The following PRXL2A variants were observed in gnomAD, a reference collection of about 807,000 sequenced individuals.
The protein encoded by PRXL2A is peroxiredoxin-like 2A.
PRXL2A carries 26 observed loss-of-function variants against 25.6 expected under a neutral mutation model. The observed-to-expected ratio is 1.02, with a 90% CI of 0.74 to 1.41. The LOEUF is 1.41. Among genes scored for constraint, PRXL2A ranks in the 40% most tolerant of loss-of-function variants. The pLI, the probability that PRXL2A is intolerant of heterozygous loss-of-function variation, is 0.00. For missense variants in PRXL2A, 246 were observed against 273.9 expected (o/e 0.90, Z 0.72); for synonymous variants, 98 against 102.9 (o/e 0.95, Z 0.29).
In PRXL2A at chr10:80,435,172, C is replaced by CCA. The variant is rs1845370388; in HGVS notation, c.*3075_*3076dup. 1.3e-5 allele frequency: 2 copies of CCA among 152,386 alleles called. No homozygotes were observed. The highest frequency in any genetic ancestry group is 3.9e-4 in the East Asian group (2 of 5,184). The allele number at this position is 152,386 out of a possible 1,614,324, so 9.4% of individuals were successfully genotyped here. On this transcript the variant is annotated 3_prime_UTR_variant, in exon 6 of 6. Coordinates refer to ENST00000606162, the MANE Select transcript of PRXL2A (RefSeq NM_032333.5). ...GAGGGTGCAGTGAGCCGGGATCACGCCACTGCACTTCAGCCTGGGTGACAG... is the reference window on the plus strand; with the variant it reads ...GAGGGTGCAGTGAGCCGGGATCACGCCACACTGCACTTCAGCCTGGGTGACAG...
chr10:80,420,650 GT>G lies in PRXL2A; in HGVS notation c.178+6del, dbSNP rs773489627. The G allele has an allele frequency of 9.4e-6, 15 of 1,590,672 alleles. No homozygotes were observed. Among genetic ancestry groups the G allele is most frequent in the Non-Finnish European group, 1.2e-5 (14 of 1,164,470 alleles). On this transcript the variant is annotated splice_donor_region_variant and intron_variant, in intron 2 of 5. Coordinates refer to ENST00000606162, the MANE Select transcript of PRXL2A (RefSeq NM_032333.5). Reference sequence around the variant, plus strand: ...ACCTGAAAACACTGGAGAAGGGTAAGTGGTGACCCTTCAGGTCTCAGTACTT... The same window carrying G: ...ACCTGAAAACACTGGAGAAGGGTAAGGGTGACCCTTCAGGTCTCAGTACTT...
chr10:80,430,089 C>CTTTT (rs753076825), intron 5 of PRXL2A, among the ~76,000 whole-genome samples: 6 of 66,512 alleles, frequency 9.0e-5, no homozygotes, highest in Non-Finnish European at 1.5e-4. Flanking sequence ...TGGGGATTTC[C>CTTTT]TTTTTTTTTT....
intron 5 of PRXL2A, 121 bp downstream of exon 5, chr10:80,427,617 G>A: frequency 1.1e-6 from 1 of 927,358 alleles, no homozygotes; most frequent in East Asian, 2.5e-5. Context: ...CTTCCTTCTA[G>A]CAAGCCAGGG....
intron 3 of PRXL2A, among the ~76,000 whole-genome samples, 155 bp downstream of exon 3, chr10:80,422,663 C>CTTTTTTTTT (rs35293617): frequency 7.0e-6 from 1 of 142,332 alleles, no homozygotes; most frequent in East Asian, 2.0e-4. Flanking sequence ...GATTTGTGCT[C>CTTTTTTTTT]TTTTTTTTTT....
chr10:80,417,892 T>C (rs1844723326), intron 1 of PRXL2A, among the ~76,000 whole-genome samples: 1 of 151,890 alleles, frequency 6.6e-6, no homozygotes, highest in South Asian at 2.1e-4. Flanking sequence ...TAATTTTTTA[T>C]AGACAGGGTC....
In PRXL2A at chr10:80,426,015, G is replaced by A. The variant is rs1383860140; in HGVS notation, c.411+9G>A. On this transcript the variant is annotated intron_variant, in intron 4 of 5. Coordinates refer to ENST00000606162, the MANE Select transcript of PRXL2A (RefSeq NM_032333.5). Reference sequence around the variant, plus strand: ...TCTTCCTGGATGAAAAGGTGTGTGTGATGGGAGGCTTTTAGACACAGACTG... The same window carrying A: ...TCTTCCTGGATGAAAAGGTGTGTGTAATGGGAGGCTTTTAGACACAGACTG... 10 of 1,614,028 alleles carry A rather than the reference G, an allele frequency of 6.2e-6. No homozygotes were observed. Among genetic ancestry groups the A allele is most frequent in the Non-Finnish European group, 8.5e-6 (10 of 1,180,024 alleles).
rs549592004 is a variant in PRXL2A, at chr10:80,433,258, A to C, written c.*1159A>C. ...TGTTTTTCTATTGGTCTTTTAGCCTAATTTGGCAAATCAGAAGAAAGGACA... is the reference window on the plus strand; with the variant it reads ...TGTTTTTCTATTGGTCTTTTAGCCTCATTTGGCAAATCAGAAGAAAGGACA... On this transcript the variant is annotated 3_prime_UTR_variant, in exon 6 of 6. Coordinates refer to ENST00000606162, the MANE Select transcript of PRXL2A (RefSeq NM_032333.5). The C allele has an allele frequency of 6.6e-6, 1 of 152,344 alleles. No individual in the cohort carries two copies. The highest frequency in any genetic ancestry group is 2.4e-5 in the African/African-American group (1 of 41,572). The allele number at this position is 152,344 out of a possible 1,614,324, so 9.4% of individuals were successfully genotyped here. A position where few individuals can be genotyped will look rare whatever the true frequency, so the allele number is the denominator to read the frequency against.
At chr10:80,411,625 T>G (rs149863854) in intron 1 of PRXL2A, among the ~76,000 whole-genome samples, 1 of 152,234 alleles carries the variant, frequency 6.6e-6, no homozygotes. Context: ...GCTCCTTCTC[T>G]GAGCTTTAGT....
chr10:80,430,176 C>G (rs1036152720), intron 5 of PRXL2A, among the ~76,000 whole-genome samples: 40 of 143,252 alleles, frequency 2.8e-4, no homozygotes, highest in African/African-American at 9.8e-4. Flanking sequence ...TCTCAGCTCA[C>G]TGCAACCTCC....
intron 1 of PRXL2A, among the ~76,000 whole-genome samples, chr10:80,410,364 C>T (rs985238735): frequency 6.6e-6 from 1 of 152,238 alleles, no homozygotes; most frequent in Non-Finnish European, 1.5e-5. Context: ...GTGTTAGCTG[C>T]TACAGGAATA....
At chr10:80,421,088 A>C (rs1157333937) in intron 2 of PRXL2A, among the ~76,000 whole-genome samples, 1 of 152,180 alleles carries the variant, frequency 6.6e-6, no homozygotes, top group Non-Finnish European at 1.5e-5. Flanking sequence ...TATGGGAGAC[A>C]CCTTTTATCC....
chr10:80,420,361 T>C, intron 1 of PRXL2A, 105 bp from the exon 2 acceptor site: 1 of 1,497,696 alleles, frequency 6.7e-7, no homozygotes, highest in African/African-American at 1.4e-5. Context: ...CCTTCCCCTG[T>C]CCTGACCTCC....
chr10:80,422,709 G>A (rs1844914459), intron 3 of PRXL2A, among the ~76,000 whole-genome samples: 1 of 150,092 alleles, frequency 6.7e-6, no homozygotes, highest in African/African-American at 2.5e-5. Context: ...ACTGGGGTTA[G>A]CAACACATCT....
intron 5 of PRXL2A, among the ~76,000 whole-genome samples, chr10:80,429,102 A>C (rs1325153908): frequency 6.6e-6 from 1 of 150,978 alleles, no homozygotes; most frequent in African/African-American, 2.5e-5. Context: ...CAGGGTTTCT[A>C]CTCATGATCT....
chr10:80,420,398 C>T, intron 1 of PRXL2A, 68 bp from the exon 2 acceptor site: 1 of 1,505,864 alleles, frequency 6.6e-7, no homozygotes, highest in Non-Finnish European at 8.9e-7. Flanking sequence ...CAGAGCCTTG[C>T]CTGGAAGATG....
intron 1 of PRXL2A, among the ~76,000 whole-genome samples, chr10:80,419,711 CA>C (rs1589556318): frequency 6.6e-6 from 1 of 152,312 alleles, no homozygotes; most frequent in East Asian, 1.9e-4. Flanking sequence ...CAGTGTTTAA[CA>C]GTGGCCATCA....
chr10:80,416,351 T>G (rs1297067613), intron 1 of PRXL2A, among the ~76,000 whole-genome samples: 1 of 152,146 alleles, frequency 6.6e-6, no homozygotes, highest in Non-Finnish European at 1.5e-5. Flanking sequence ...GTATGAGAGA[T>G]TCAGAGATAA....
intron 5 of PRXL2A, among the ~76,000 whole-genome samples, chr10:80,427,904 CTT>C (rs1845105646): frequency 6.6e-6 from 1 of 152,114 alleles, no homozygotes; most frequent in Non-Finnish European, 1.5e-5. Flanking sequence ...GGTTTGCTGA[CTT>C]TAAGTTTTGT....
intron 1 of PRXL2A, among the ~76,000 whole-genome samples, chr10:80,412,744 G>T (rs148311204): frequency 6.6e-6 from 1 of 152,228 alleles, no homozygotes; most frequent in South Asian, 2.1e-4. Context: ...GGTCAGAGGG[G>T]GGCATCCCGG....
Sources: gnomAD v4.1 joint callset for allele counts (sites outside exome capture counted in the v4.1 genomes callset) on GRCh38, gnomAD v4.1.1 for gene constraint, MANE v1.5 for transcripts, NCBI Gene and HGNC (gene_info 2026-07-23, HGNC 2026-07-21) for gene names.